Variants in CCN4 observed in about 807,000 individuals in gnomAD.
CCN4 encodes the protein CCN family member 4.
A neutral mutation model predicts 36.7 loss-of-function variants in CCN4; 30 were observed. That is an observed-to-expected ratio of 0.82 (90% CI 0.61 to 1.11). CCN4 has a LOEUF of 1.11. Among genes scored for constraint, CCN4 ranks in the 50% least tolerant of loss-of-function variants. CCN4 has a pLI of 0.00. For synonymous variants in CCN4, 191 were observed against 195.4 expected, an observed-to-expected ratio of 0.98 and a Z score of 0.19; for missense variants, 505 against 504.9, an observed-to-expected ratio of 1.00 and a Z score of 0.00.
rs776425827 is a variant in CCN4 at position 133,227,534 on chromosome 8, T to C, written c.928T>C (p.Cys310Arg). ...YCGVCMDNRC[C>R]IPYKSKTIDV... Reference sequence around the variant, plus strand: ...TGGAGTTTGCATGGACAATAGGTGCTGCATCCCCTACAAGTCTAAGACTAT... The same window carrying C: ...TGGAGTTTGCATGGACAATAGGTGCCGCATCCCCTACAAGTCTAAGACTAT... Residue 310 changes from cysteine to arginine, a missense_variant, in exon 5 of 5, where the codon TGC becomes CGC. By Grantham distance (180) the Cys-to-Arg change is radical. Coordinates refer to ENST00000250160, the MANE Select transcript of CCN4 (RefSeq NM_003882.4). 6.2e-7 allele frequency: 1 copy of C among 1,614,236 alleles called. No individual in the cohort carries two copies. The highest frequency in any genetic ancestry group is 1.7e-5 in the Admixed American group (1 of 60,020).
intron 1 of CCN4, among the ~76,000 whole-genome samples, chr8:133,207,823 T>C (rs993663766): frequency 1.3e-5 from 2 of 152,112 alleles, no homozygotes; most frequent in Non-Finnish European, 2.9e-5. Context: ...GCAGATTGGT[T>C]GGGGAAATGA....
chr8:133,225,826 C>A (rs1031326828), intron 4 of CCN4, among the ~76,000 whole-genome samples: 2 of 152,110 alleles, frequency 1.3e-5, no homozygotes, highest in African/African-American at 4.8e-5. Context: ...TCCAGAGAAA[C>A]CTCAGAGACC....
chr8:133,214,723 G>A (rs1433561883), intron 2 of CCN4, among the ~76,000 whole-genome samples: 1 of 152,060 alleles, frequency 6.6e-6, no homozygotes, highest in Non-Finnish European at 1.5e-5. Flanking sequence ...TTATGATGCA[G>A]CAGCCTAACT....
chr8:133,214,671 C>A (rs1266452258), intron 2 of CCN4, among the ~76,000 whole-genome samples: 2 of 152,086 alleles, frequency 1.3e-5, no homozygotes, highest in Non-Finnish European at 2.9e-5. Context: ...TAAGCATTAC[C>A]CAAAATATAT....
At chr8:133,195,252 G>A (rs571760253) in intron 1 of CCN4, among the ~76,000 whole-genome samples, 3 of 146,892 alleles carry the variant, frequency 2.0e-5, no homozygotes, top group South Asian at 4.4e-4. Flanking sequence ...GTGTATATGT[G>A]GTGTGTTTTT....
intron 1 of CCN4, among the ~76,000 whole-genome samples, chr8:133,204,475 T>C (rs969288107): frequency 1.3e-5 from 2 of 152,066 alleles, no homozygotes; most frequent in Non-Finnish European, 2.9e-5. Context: ...GGTTCCTATT[T>C]CTATAAAAAT....
intron 1 of CCN4, among the ~76,000 whole-genome samples, chr8:133,196,304 G>A (rs990958379): frequency 1.2e-4 from 18 of 152,280 alleles, no homozygotes; most frequent in South Asian, 6.2e-4. Context: ...GAGATGTTCC[G>A]GAAGCATAAG....
rs1417143391 is a variant in CCN4, at chr8:133,191,268, T to C, written c.69+55T>C. 2.6e-6 allele frequency: 4 copies of C among 1,553,824 alleles called. No individual in the cohort carries two copies. The African/African-American group carries it at 4.1e-5, about 16-fold the overall frequency. On this transcript the variant is annotated intron_variant, in intron 1 of 4. Coordinates refer to ENST00000250160, the MANE Select transcript of CCN4 (RefSeq NM_003882.4). ...AGACCCAGCTCCCTTCTCTACTGGG[T>C]CCTGCTACATGGGGGCTGGTGGGCA...
Position 133,227,498 on chromosome 8 carries a change from C to T in CCN4, c.892C>T (p.Pro298Ser), listed in dbSNP as rs771198012. 6 of 1,614,076 alleles carry T rather than the reference C, an allele frequency of 3.7e-6. No homozygotes were observed. In the African/African-American group the frequency reaches 6.7e-5, roughly 18 times the overall value. The change falls in exon 5 of 5, where the codon CCC (proline) becomes TCC (serine). Residue 298 changes from proline (P) to serine (S), a missense_variant. Coordinates refer to ENST00000250160, the MANE Select transcript of CCN4 (RefSeq NM_003882.4). ...AGCISTRSYQPKYCGVCMDNR... is the reference protein window; with the variant it reads ...AGCISTRSYQSKYCGVCMDNR... ...CTGCATCAGCACACGCTCCTATCAA[C>T]CCAAGTACTGTGGAGTTTGCATGGA... is the stretch of plus-strand genomic sequence containing the variant.
rs1180600350 is a variant in CCN4, at chr8:133,225,025, A to AG, written c.611-364dup. Among the ~76,000 whole-genome samples, 20 of 152,144 alleles carry AG rather than the reference A, an allele frequency of 1.3e-4. 1 individual carries two copies. The East Asian group carries it at 3.9e-3, about 29-fold the overall frequency. On this transcript the variant is annotated intron_variant, in intron 3 of 4. Transcript: ENST00000250160. ...ATCTAGGCCTTATTATTGTGTTGCCAGCCGCACAGGCAGGTGTTATTGTTC... is the reference window on the plus strand; with the variant it reads ...ATCTAGGCCTTATTATTGTGTTGCCAGGCCGCACAGGCAGGTGTTATTGTTC...
chr8:133,228,033 G>T lies in CCN4; in HGVS notation c.*323G>T. The T allele has an allele frequency of 3.8e-6, 1 of 261,718 alleles. No homozygotes were observed. The highest frequency in any genetic ancestry group is 7.4e-5 in the East Asian group (1 of 13,424). 16.2% of individuals were successfully genotyped at this position (261,718 alleles called of 1,614,324 possible). The stretch of plus-strand genomic sequence containing the variant: ...GCCTAAATCCCAAGAAATGGAATCA[G>T]GTAGACTTTTAATATCACTAATTTC... On this transcript the variant is annotated 3_prime_UTR_variant, in exon 5 of 5. Transcript: ENST00000250160.
chr8:133,204,213 T>C (rs752243576), intron 1 of CCN4, among the ~76,000 whole-genome samples: 1 of 152,198 alleles, frequency 6.6e-6, no homozygotes, highest in Non-Finnish European at 1.5e-5. Context: ...CATTTTAAAA[T>C]ATCAAGGATA....
Position 133,224,229 on chromosome 8 carries a change from C to CTTTTTTTTTTTTTTTT in CCN4, c.611-1147_611-1132dup, listed in dbSNP as rs59929763. On this transcript the variant is annotated intron_variant, in intron 3 of 4. Coordinates refer to ENST00000250160, the MANE Select transcript of CCN4 (RefSeq NM_003882.4). ...GATTTGAATTTGAAGCCCGTAAGTC[C>CTTTTTTTTTTTTTTTT]TTTTTTTTTTTTTTTTTTTTTTTTT... Among the ~76,000 whole-genome samples the CTTTTTTTTTTTTTTTT allele has an allele frequency of 2.3e-4, 20 of 88,494 alleles. 10 individuals carry two copies. The highest frequency in any genetic ancestry group is 2.1e-4 in the Non-Finnish European group (10 of 47,424). The allele number at this position is 88,494 out of a possible 152,430, so 58.1% of individuals were successfully genotyped here.
intron 1 of CCN4, among the ~76,000 whole-genome samples, chr8:133,198,240 A>T (rs1037950953): frequency 6.6e-6 from 1 of 152,170 alleles, no homozygotes; most frequent in African/African-American, 2.4e-5. Flanking sequence ...GGCACCCAAA[A>T]TGTATGTCCC....
intron 2 of CCN4, among the ~76,000 whole-genome samples, chr8:133,216,044 G>A (rs1249785821): frequency 6.6e-6 from 1 of 151,704 alleles, no homozygotes; most frequent in African/African-American, 2.4e-5. Flanking sequence ...ACACACATAT[G>A]TGCCCACACA....
intron 1 of CCN4, among the ~76,000 whole-genome samples, chr8:133,207,938 T>C (rs2130561542): frequency 6.6e-6 from 1 of 152,106 alleles, no homozygotes; most frequent in South Asian, 2.1e-4. Flanking sequence ...GCCCAAATAA[T>C]TGTCTAGCTG....
At chr8:133,223,654 C>CG (rs397735493) in intron 3 of CCN4, among the ~76,000 whole-genome samples, 1 of 151,630 alleles carries the variant, frequency 6.6e-6, no homozygotes, top group Non-Finnish European at 1.5e-5. Context: ...CACACACACA[C>CG]GCTTTTTCTC....
chr8:133,225,099 T>C (rs1236007446), intron 3 of CCN4, among the ~76,000 whole-genome samples: 7 of 152,142 alleles, frequency 4.6e-5, no homozygotes, highest in Admixed American at 4.6e-4. Flanking sequence ...ACACAGCTTG[T>C]AGGTGGTAGA....
intron 3 of CCN4, 59 bp from the exon 4 acceptor site, chr8:133,225,331 T>G: frequency 2.0e-6 from 3 of 1,500,548 alleles, no homozygotes; most frequent in Non-Finnish European, 2.7e-6. Context: ...GTGGTGAAAG[T>G]GAGGGTTGGG....
Sources: gnomAD v4.1 joint callset for allele counts (sites outside exome capture counted in the v4.1 genomes callset) on GRCh38, gnomAD v4.1.1 for gene constraint, MANE v1.5 for transcripts, NCBI Gene and HGNC (gene_info 2026-07-23, HGNC 2026-07-21) for gene names.